The following CERS6 variants were observed in gnomAD, a reference collection of about 807,000 sequenced individuals.
The protein encoded by CERS6 is LAG1 homolog, ceramide synthase 6.
A neutral mutation model predicts 56.8 loss-of-function variants in CERS6; 26 were observed. The ratio of observed to expected loss-of-function variants is 0.46; its 90% confidence interval spans 0.34 to 0.63. The LOEUF (loss-of-function observed/expected upper bound fraction) is 0.63. Ranked by LOEUF, CERS6 falls within the 30% of genes least tolerant of loss-of-function variation. The pLI is 0.01. For missense variants in CERS6, 415 were observed against 467.5 expected, an observed-to-expected ratio of 0.89 and a Z score of 1.04; for synonymous variants, 164 against 173.3, an observed-to-expected ratio of 0.95 and a Z score of 0.42.
Position 168,480,169 on chromosome 2 carries a change from G to T in CERS6, c.170+23551G>T, listed in dbSNP as rs537006185. ...TAAACTTGTGAGAGAAATGGATATG[G>T]ATGAGTCTTTGAGTCCTTTAATCAG... On this transcript the variant is annotated intron_variant, in intron 1 of 9. Coordinates refer to ENST00000305747, the MANE Select transcript of CERS6 (RefSeq NM_203463.3). Among the ~76,000 whole-genome samples, 8 of 152,304 alleles carry T rather than the reference G, an allele frequency of 5.3e-5. No individual in the cohort carries two copies. The South Asian group carries it at 1.7e-3, about 32-fold the overall frequency.
chr2:168,574,498 A>G lies in CERS6; in HGVS notation c.407+13176A>G, dbSNP rs1352716961. ...CTTCCCTTGATACATAAATGGTAAT[A>G]TCTCTTTATTTTATCATCATCCTTA... On this transcript the variant is annotated intron_variant, in intron 3 of 9. Coordinates refer to ENST00000305747, the MANE Select transcript of CERS6 (RefSeq NM_203463.3). 2.0e-5 allele frequency among the ~76,000 whole-genome samples: 3 copies of G among 152,166 alleles called. No individual in the cohort carries two copies. The South Asian group carries it at 6.2e-4, about 32-fold the overall frequency.
chr2:168,595,547 T>A (rs563186402), intron 3 of CERS6, among the ~76,000 whole-genome samples: 1 of 152,234 alleles, frequency 6.6e-6, no homozygotes, highest in Admixed American at 6.5e-5. Context: ...CATTGGATTA[T>A]GTATAATACC....
chr2:168,754,283 G>C (rs13394831), intron 8 of CERS6, among the ~76,000 whole-genome samples: 4 of 152,156 alleles, frequency 2.6e-5, no homozygotes, highest in Non-Finnish European at 4.4e-5. Context: ...TTCAAGGTGC[G>C]TGGGCCTGGA....
At chr2:168,583,849 C>T (rs1006797643) in intron 3 of CERS6, among the ~76,000 whole-genome samples, 28 of 152,176 alleles carry the variant, frequency 1.8e-4, no homozygotes, top group Admixed American at 4.6e-4. Context: ...GGCTGCTTTT[C>T]GAGGCCTTGT....
At chr2:168,737,218 A>G (rs1299789970) in intron 8 of CERS6, among the ~76,000 whole-genome samples, 1 of 152,212 alleles carries the variant, frequency 6.6e-6, no homozygotes, top group African/African-American at 2.4e-5. Context: ...TGTCTGTAAT[A>G]CATAAGAGGG....
At chr2:168,751,097 A>C (rs964086439) in intron 8 of CERS6, among the ~76,000 whole-genome samples, 3 of 152,200 alleles carry the variant, frequency 2.0e-5, no homozygotes, top group Non-Finnish European at 4.4e-5. Flanking sequence ...AGTGACTTTG[A>C]TCAAAAGCCA....
chr2:168,753,284 T>A (rs897953193), intron 8 of CERS6, among the ~76,000 whole-genome samples: 3 of 152,230 alleles, frequency 2.0e-5, no homozygotes, highest in Non-Finnish European at 4.4e-5. Flanking sequence ...GGCACAGCCA[T>A]CGTATTCTAT....
At chr2:168,661,987 G>A (rs1685642103) in intron 4 of CERS6, among the ~76,000 whole-genome samples, 1 of 152,200 alleles carries the variant, frequency 6.6e-6, no homozygotes, top group Admixed American at 6.5e-5. Flanking sequence ...ACATATTGCA[G>A]TCTCTTTTAA....
chr2:168,698,632 G>A (rs1686728777), intron 6 of CERS6, among the ~76,000 whole-genome samples: 1 of 152,108 alleles, frequency 6.6e-6, no homozygotes, highest in Non-Finnish European at 1.5e-5. Flanking sequence ...ATTGCAACAT[G>A]AGATTTGGGA....
At chr2:168,615,956 A>G (rs1207355431) in intron 3 of CERS6, among the ~76,000 whole-genome samples, 1 of 152,232 alleles carries the variant, frequency 6.6e-6, no homozygotes. Flanking sequence ...AAGAATCTTA[A>G]GAGCTGTGAG....
chr2:168,588,488 T>C (rs1009275411), intron 3 of CERS6, among the ~76,000 whole-genome samples: 1 of 152,202 alleles, frequency 6.6e-6, no homozygotes, highest in African/African-American at 2.4e-5. Context: ...GTAAGTACTT[T>C]ATATAAGTGG....
chr2:168,514,074 G>A (rs1197343017), intron 1 of CERS6, among the ~76,000 whole-genome samples: 4 of 152,112 alleles, frequency 2.6e-5, no homozygotes, highest in African/African-American at 7.2e-5. Context: ...AGTAATTTAC[G>A]GTGTTGTTAT....
chr2:168,760,766 A>ATTTATTTT (rs1224521892), intron 8 of CERS6, among the ~76,000 whole-genome samples: 1 of 127,120 alleles, frequency 7.9e-6, no homozygotes, highest in African/African-American at 2.6e-5. Flanking sequence ...TTATTTATTT[A>ATTTATTTT]TTTTTTTGAG....
intron 1 of CERS6, among the ~76,000 whole-genome samples, chr2:168,471,406 C>G (rs554225094): frequency 6.6e-6 from 1 of 152,292 alleles, no homozygotes; most frequent in Non-Finnish European, 1.5e-5. Flanking sequence ...TTATTACATA[C>G]TACTTTTTAG....
chr2:168,711,295 A>C lies in CERS6; in HGVS notation c.610-3706A>C, dbSNP rs143628712. Among the ~76,000 whole-genome samples, 82 of 152,340 alleles carry C rather than the reference A, an allele frequency of 5.4e-4. 1 individual carries two copies. In the East Asian group the frequency reaches 0.014, roughly 26 times the overall value. On this transcript the variant is annotated intron_variant, in intron 6 of 9. Coordinates refer to ENST00000305747, the MANE Select transcript of CERS6 (RefSeq NM_203463.3). ...CTCAGCTGCTAAATAAAGAGGGTGC[A>C]TGTGTGGGCTCTCCCACACTCGCTC...
At chr2:168,753,661 G>A (rs547423014) in intron 8 of CERS6, among the ~76,000 whole-genome samples, 1 of 152,216 alleles carries the variant, frequency 6.6e-6, no homozygotes, top group South Asian at 2.1e-4. Context: ...AAGACTGCAG[G>A]CCTAGGATAC....
intron 3 of CERS6, among the ~76,000 whole-genome samples, chr2:168,616,976 A>G (rs1684333775): frequency 1.3e-5 from 2 of 152,226 alleles, no homozygotes; most frequent in South Asian, 4.1e-4. Flanking sequence ...GACAGACCAT[A>G]TGATAGGCCA....
chr2:168,490,430 C>T (rs960922367), intron 1 of CERS6, among the ~76,000 whole-genome samples: 3 of 151,960 alleles, frequency 2.0e-5, no homozygotes, highest in African/African-American at 7.3e-5. Context: ...GACATAGCTG[C>T]CAGAATAAAA....
intron 4 of CERS6, among the ~76,000 whole-genome samples, chr2:168,633,078 A>C (rs1383349219): frequency 1.3e-5 from 2 of 151,794 alleles, no homozygotes. Context: ...CTGTCAGTAG[A>C]GTGTTTCCTT....
Sources: allele counts gnomAD v4.1 joint callset (sites outside exome capture counted in the v4.1 genomes callset), GRCh38; gene constraint gnomAD v4.1.1; transcripts MANE v1.5; gene names NCBI Gene and HGNC (gene_info 2026-07-23, HGNC 2026-07-21).